PLCB1: variants seen among roughly 807,000 people sequenced by gnomAD.
The protein encoded by PLCB1 is phospholipase C beta 1, also known as 1-phosphatidylinositol 4,5-bisphosphate phosphodiesterase beta-1.
PLCB1 carries 46 observed loss-of-function variants against 161.8 expected under a neutral mutation model. The observed-to-expected ratio is 0.28, with a 90% CI of 0.22 to 0.36. The LOEUF is 0.36. PLCB1 is among the 10% of genes least tolerant of loss of function. PLCB1 has a pLI of 1.00. For synonymous variants in PLCB1, 517 were observed against 503.7 expected, an observed-to-expected ratio of 1.03 and a Z score of -0.35; for missense variants, 1,016 against 1,472.5, an observed-to-expected ratio of 0.69 and a Z score of 5.07.
intron 27 of PLCB1, 40 bp downstream of exon 27, chr20:8,774,759 A>C (rs1265804339): frequency 6.5e-7 from 1 of 1,531,714 alleles, no homozygotes; most frequent in Admixed American, 1.8e-5. Flanking sequence ...TGCAACTGGA[A>C]CTCCCTTATA....
At chr20:8,614,386 G>A (rs1987991554) in intron 3 of PLCB1, among the ~76,000 whole-genome samples, 2 of 151,118 alleles carry the variant, frequency 1.3e-5, no homozygotes, top group South Asian at 2.1e-4. Flanking sequence ...GCTCATTGAA[G>A]CATTGTTTAT....
At chr20:8,829,314 C>A (rs1326769375) in intron 31 of PLCB1, among the ~76,000 whole-genome samples, 2 of 152,156 alleles carry the variant, frequency 1.3e-5, no homozygotes, top group Admixed American at 1.3e-4. Flanking sequence ...GGTTCAGGCA[C>A]AAATGCAAGT....
At chr20:8,191,882 T>C (rs920250883) in intron 2 of PLCB1, among the ~76,000 whole-genome samples, 3 of 152,020 alleles carry the variant, frequency 2.0e-5, no homozygotes, top group African/African-American at 7.2e-5. Flanking sequence ...TACTGGCACT[T>C]ACTCAAGCCT....
intron 2 of PLCB1, among the ~76,000 whole-genome samples, chr20:8,184,131 T>C (rs180838118): frequency 6.6e-6 from 1 of 152,286 alleles, no homozygotes; most frequent in Admixed American, 6.5e-5. Flanking sequence ...TTTTAGAGAC[T>C]ACAAACTCAG....
chr20:8,815,621 A>G (rs1985050091), intron 31 of PLCB1, among the ~76,000 whole-genome samples: 1 of 152,244 alleles, frequency 6.6e-6, no homozygotes. Context: ...GGGCCAGGTC[A>G]GAAGTCTAAT....
chr20:8,182,893 A>G (rs1265575890), intron 2 of PLCB1, among the ~76,000 whole-genome samples: 1 of 152,144 alleles, frequency 6.6e-6, no homozygotes, highest in Non-Finnish European at 1.5e-5. Context: ...ACAGTTGATT[A>G]TCTTATTTGC....
chr20:8,205,966 C>T (rs1296355818), intron 2 of PLCB1, among the ~76,000 whole-genome samples: 2 of 150,952 alleles, frequency 1.3e-5, no homozygotes, highest in African/African-American at 2.5e-5. Context: ...AGATCATCCT[C>T]AGTGTATGAA....
intron 10 of PLCB1, among the ~76,000 whole-genome samples, chr20:8,693,049 AAAAGAG>A (rs1423185363): frequency 2.0e-5 from 3 of 152,200 alleles, no homozygotes; most frequent in African/African-American, 7.2e-5. Context: ...CTGGCAAGGA[AAAAGAG>A]AAAGAAGAGA....
intron 21 of PLCB1, 32 bp downstream of exon 21, chr20:8,739,392 A>G (rs367720238): frequency 1.8e-4 from 236 of 1,302,208 alleles, no homozygotes; most frequent in Non-Finnish European, 2.5e-4. Context: ...ACCTTTTATC[A>G]AAGTTGCAAA....
At chr20:8,865,530 A>T (rs1987398313) in intron 31 of PLCB1, among the ~76,000 whole-genome samples, 1 of 152,224 alleles carries the variant, frequency 6.6e-6, no homozygotes, top group South Asian at 2.1e-4. Context: ...ACAGTACCAA[A>T]ATATCAATGG....
chr20:8,715,612 G>T (rs1341446615), intron 12 of PLCB1, among the ~76,000 whole-genome samples: 1 of 152,098 alleles, frequency 6.6e-6, no homozygotes, highest in Non-Finnish European at 1.5e-5. Flanking sequence ...TACCACCTTT[G>T]CTATTCTGTT....
intron 11 of PLCB1, among the ~76,000 whole-genome samples, chr20:8,699,574 A>T (rs957080709): frequency 6.6e-6 from 1 of 152,246 alleles, no homozygotes; most frequent in Non-Finnish European, 1.5e-5. Flanking sequence ...CAGCTTCTTA[A>T]TGTGAAACAC....
intron 2 of PLCB1, among the ~76,000 whole-genome samples, chr20:8,295,332 C>A (rs922475884): frequency 5.3e-5 from 8 of 152,054 alleles, no homozygotes; most frequent in African/African-American, 1.9e-4. Flanking sequence ...ATATTTATAA[C>A]AAAATAATAT....
intron 9 of PLCB1, among the ~76,000 whole-genome samples, chr20:8,676,955 T>A (rs955677672): frequency 1.3e-5 from 2 of 152,140 alleles, no homozygotes; most frequent in African/African-American, 4.8e-5. Flanking sequence ...GAATGCTAAT[T>A]TTTTCAATAA....
Position 8,617,672 on chromosome 20 carries a change from C to T in PLCB1, c.247-10622C>T, listed in dbSNP as rs975098947. Among the ~76,000 whole-genome samples the T allele has an allele frequency of 1.3e-4, 20 of 152,050 alleles. 1 individual carries two copies. Among genetic ancestry groups the T allele is most frequent in the Non-Finnish European group, 5.9e-5 (4 of 68,010 alleles). ...ACCACAAGAGGCAACCAATTCATGGCCCAATGTAATCTGTCTTTTTGTACT... is the reference window on the plus strand; with the variant it reads ...ACCACAAGAGGCAACCAATTCATGGTCCAATGTAATCTGTCTTTTTGTACT... On this transcript the variant is annotated intron_variant, in intron 3 of 31. Transcript: ENST00000338037.
chr20:8,298,507 C>T (rs1983743014), intron 2 of PLCB1, among the ~76,000 whole-genome samples: 1 of 150,732 alleles, frequency 6.6e-6, no homozygotes, highest in South Asian at 2.1e-4. Flanking sequence ...TTTTTTTAAA[C>T]TGACATGCTT....
intron 1 of PLCB1, among the ~76,000 whole-genome samples, chr20:8,149,511 A>G (rs1469765602): frequency 6.6e-6 from 1 of 152,212 alleles, no homozygotes; most frequent in Non-Finnish European, 1.5e-5. Flanking sequence ...GGTTATGTGT[A>G]TGAAAAAATT....
chr20:8,207,089 A>G (rs1007837822), intron 2 of PLCB1, among the ~76,000 whole-genome samples: 4 of 135,802 alleles, frequency 2.9e-5, no homozygotes, highest in African/African-American at 8.4e-5. Context: ...GTTGCATTAT[A>G]GTGTTGGTAT....
chr20:8,274,726 C>T (rs539099413), intron 2 of PLCB1, among the ~76,000 whole-genome samples: 2 of 152,150 alleles, frequency 1.3e-5, no homozygotes, highest in East Asian at 3.9e-4. Context: ...ATGAGATCTT[C>T]CATGTTGGCC....
Sources: allele counts gnomAD v4.1 joint callset (sites outside exome capture counted in the v4.1 genomes callset), GRCh38; gene constraint gnomAD v4.1.1; transcripts MANE v1.5; gene names NCBI Gene and HGNC (gene_info 2026-07-23, HGNC 2026-07-21).